TSHZ3: variants seen among roughly 807,000 people sequenced by gnomAD.
TSHZ3 encodes the protein teashirt homolog 3.
A neutral mutation model predicts 64.5 loss-of-function variants in TSHZ3; 10 were observed. The ratio of observed to expected loss-of-function variants is 0.16; its 90% CI spans 0.10 to 0.26. The LOEUF is 0.26. Ranked by LOEUF, TSHZ3 falls within the 10% of genes least tolerant of loss-of-function variation. The pLI, the probability that TSHZ3 is intolerant of heterozygous loss-of-function variation, is 1.00. For synonymous variants in TSHZ3, 608 were observed against 593.1 expected, an observed-to-expected ratio of 1.03 and a Z score of -0.36; for missense variants, 1,242 against 1,421.7, an observed-to-expected ratio of 0.87 and a Z score of 2.03.
chr19:31,248,585 C>G (rs1975789121), intron 1 of TSHZ3, among the ~76,000 whole-genome samples: 1 of 151,270 alleles, frequency 6.6e-6, no homozygotes, highest in South Asian at 2.1e-4. Flanking sequence ...AGTTCCAGAC[C>G]AGCCCAGGCA....
At chr19:31,269,640 C>G (rs1976106202) in intron 1 of TSHZ3, among the ~76,000 whole-genome samples, 1 of 152,142 alleles carries the variant, frequency 6.6e-6, no homozygotes. Flanking sequence ...CCTGGGAGAT[C>G]TCTAACTCAC....
At chr19:31,350,150 C>A (rs1472312596), upstream of TSHZ3, among the ~76,000 whole-genome samples, 1 of 149,988 alleles carries the variant, frequency 6.7e-6, no homozygotes, top group African/African-American at 2.4e-5. Context: ...GCGTGGTCCC[C>A]GGGCCGGGGC....
At chr19:31,283,585 A>G (rs1255591853) in intron 1 of TSHZ3, among the ~76,000 whole-genome samples, 2 of 152,034 alleles carry the variant, frequency 1.3e-5, no homozygotes, top group African/African-American at 2.4e-5. Context: ...CTAGGCCTCT[A>G]TTTCCTTCTT....
intron 1 of TSHZ3, among the ~76,000 whole-genome samples, chr19:31,287,910 G>A (rs763467698): frequency 3.9e-5 from 6 of 152,014 alleles, no homozygotes; most frequent in Admixed American, 6.6e-5. Context: ...TGAATACTCA[G>A]ATTTTCAAAT....
intron 3 of TSHZ3, among the ~76,000 whole-genome samples, chr19:31,228,398 T>C (rs1975498526): frequency 6.6e-6 from 1 of 151,708 alleles, no homozygotes; most frequent in Non-Finnish European, 1.5e-5. Context: ...TGGTGGTGTG[T>C]GCCTGCAGTC....
chr19:31,202,301 T>C (rs1274682345), intron 5 of TSHZ3, among the ~76,000 whole-genome samples: 3 of 152,178 alleles, frequency 2.0e-5, no homozygotes, highest in Non-Finnish European at 2.9e-5. Flanking sequence ...GCATATAAAA[T>C]TGTAATTTCC....
intron 5 of TSHZ3, among the ~76,000 whole-genome samples, chr19:31,178,714 C>T (rs1005805805): frequency 2.0e-5 from 3 of 152,164 alleles, no homozygotes; most frequent in Admixed American, 6.6e-5. Flanking sequence ...CCTTGCCTCT[C>T]TCTTTGCAGG....
chr19:31,221,177 C>T (rs1053872067), intron 4 of TSHZ3, among the ~76,000 whole-genome samples: 3 of 152,168 alleles, frequency 2.0e-5, no homozygotes, highest in South Asian at 2.1e-4. Context: ...TTTAATTTAA[C>T]ATGGCAGGTG....
chr19:31,235,384 C>T (rs964249669), intron 3 of TSHZ3, among the ~76,000 whole-genome samples: 7 of 151,780 alleles, frequency 4.6e-5, no homozygotes, highest in African/African-American at 1.7e-4. Context: ...CACCATTCTA[C>T]TCTCTGTTCC....
intron 1 of TSHZ3, among the ~76,000 whole-genome samples, chr19:31,338,578 TTTC>T (rs1226041683): frequency 7.3e-6 from 1 of 136,182 alleles, no homozygotes; most frequent in East Asian, 2.4e-4. Context: ...TTCTTTTTTT[TTTC>T]TTTTTTTTTT....
Position 31,210,019 on chromosome 19 carries a change from G to A in TSHZ3, n.687-4941C>T, listed in dbSNP as rs562366467. ...ATTTTGAAGGAGGTAACAAGGCATA[G>A]AGCTTTTTAAGGACACTTCATTTGA... On this transcript the variant is annotated intron_variant and non_coding_transcript_variant, in intron 4 of 6. Transcript: ENST00000651361. Among the ~76,000 whole-genome samples, 4 of 152,266 alleles carry A rather than the reference G, an allele frequency of 2.6e-5. No homozygotes were observed. The South Asian group carries it at 8.3e-4, about 32-fold the overall frequency.
intron 1 of TSHZ3, among the ~76,000 whole-genome samples, chr19:31,243,936 G>T (rs778110663): frequency 5.9e-5 from 9 of 152,160 alleles, no homozygotes; most frequent in Non-Finnish European, 1.3e-4. Context: ...TTATCAGCAA[G>T]GCCTTTTTAA....
upstream of TSHZ3, chr19:31,349,522 G>A: frequency 3.0e-6 from 1 of 334,622 alleles, no homozygotes; most frequent in Non-Finnish European, 5.4e-6. Flanking sequence ...GGAGGAGGAG[G>A]ACCGCGCTGC....
rs149688249 is a variant in TSHZ3 at position 31,252,579 on chromosome 19, A to T, written n.64-9704T>A. On this transcript the variant is annotated intron_variant and non_coding_transcript_variant, in intron 1 of 6. Transcript: ENST00000651361. ...TCTCATGACAGTGAGTTCTCAGAAG[A>T]TCTGATGGTTTTATACGCATCTGGC... is the stretch of plus-strand genomic sequence containing the variant. Among the ~76,000 whole-genome samples the T allele has an allele frequency of 4.6e-3, 694 of 152,244 alleles. 26 individuals carry two copies. The highest frequency in any genetic ancestry group is 0.038 in the Admixed American group (574 of 15,276).
chr19:31,189,504 A>G (rs532482452), intron 5 of TSHZ3, among the ~76,000 whole-genome samples: 1 of 151,950 alleles, frequency 6.6e-6, no homozygotes, highest in South Asian at 2.1e-4. Context: ...TGAGTAGGTT[A>G]TTTAGAAGTA....
chr19:31,242,321 C>A (rs1975702240), exon 3 of TSHZ3, among the ~76,000 whole-genome samples: 1 of 152,146 alleles, frequency 6.6e-6, no homozygotes, highest in East Asian at 1.9e-4. Context: ...AGCTGGAGAC[C>A]CAGGGATGCC....
chr19:31,314,097 T>A (rs915309974), intron 1 of TSHZ3, among the ~76,000 whole-genome samples: 2 of 152,128 alleles, frequency 1.3e-5, no homozygotes, highest in Non-Finnish European at 2.9e-5. Context: ...AATTGGAAGA[T>A]GCTTGGTGGA....
intron 5 of TSHZ3, among the ~76,000 whole-genome samples, chr19:31,178,029 G>C (rs1032165806): frequency 6.6e-6 from 1 of 152,162 alleles, no homozygotes; most frequent in Non-Finnish European, 1.5e-5. Context: ...TAACAGGCCT[G>C]GGCTTAGAGC....
intron 4 of TSHZ3, among the ~76,000 whole-genome samples, chr19:31,208,025 C>T (rs560780137): frequency 1.3e-5 from 2 of 152,270 alleles, no homozygotes; most frequent in Admixed American, 6.5e-5. Context: ...TTATAGAAAC[C>T]TCTGTCCTGC....
Sources: gnomAD v4.1 joint callset for allele counts (sites outside exome capture counted in the v4.1 genomes callset) on GRCh38, gnomAD v4.1.1 for gene constraint, MANE v1.5 for transcripts, NCBI Gene and HGNC (gene_info 2026-07-23, HGNC 2026-07-21) for gene names.